Variants in PCNX1 observed in about 807,000 individuals in gnomAD.
PCNX1 encodes pecanex 1.
Under a neutral mutation model 242.2 loss-of-function variants are expected in PCNX1, and 78 were observed. The observed-to-expected ratio is 0.32, with a 90% confidence interval of 0.27 to 0.39. The LOEUF (loss-of-function observed/expected upper bound fraction) is 0.39. Among genes scored for constraint, PCNX1 ranks in the 10% least tolerant of loss-of-function variants. PCNX1 has a pLI of 1.00. For synonymous variants in PCNX1, 1,024 were observed against 1,032.9 expected, an observed-to-expected ratio of 0.99 and a Z score of 0.17; for missense variants, 2,581 against 2,856.5, an observed-to-expected ratio of 0.90 and a Z score of 2.20.
At chr14:70,994,759 G>C (rs2059297935) in intron 7 of PCNX1, among the ~76,000 whole-genome samples, 1 of 151,478 alleles carries the variant, frequency 6.6e-6, no homozygotes, top group African/African-American at 2.4e-5. Flanking sequence ...GTTTAAATTT[G>C]ACTAAATATT....
chr14:70,949,674 C>T (rs1407172553), intron 2 of PCNX1, among the ~76,000 whole-genome samples: 5 of 152,134 alleles, frequency 3.3e-5, no homozygotes, highest in Admixed American at 2.6e-4. Context: ...GGAGGCTTTC[C>T]TTTCCCATCC....
chr14:71,020,140 C>A (rs953510745), intron 12 of PCNX1, among the ~76,000 whole-genome samples: 1 of 152,162 alleles, frequency 6.6e-6, no homozygotes, highest in East Asian at 1.9e-4. Context: ...GCATAGTATT[C>A]CATGTTGTAT....
At position 71,111,328 on chromosome 14, in the gene PCNX1, A is replaced by C. The variant is rs894232856; in HGVS notation, c.*1393A>C. The C allele has an allele frequency of 1.3e-5, 2 of 152,652 alleles. No homozygotes were observed. The highest frequency in any genetic ancestry group is 2.4e-5 in the African/African-American group (1 of 41,470). The allele number at this position is 152,652 out of a possible 1,614,324, so 9.5% of individuals were successfully genotyped here. A position where few individuals can be genotyped will look rare whatever the true frequency, so the allele number is the denominator to read the frequency against. On this transcript the variant is annotated 3_prime_UTR_variant, in exon 36 of 36. Transcript: ENST00000304743. ...TTTTCCCTTTTGGTGTGAAACTCCA[A>C]AGAAAATTGTACATCTCCTCTGAGC...
intron 5 of PCNX1, among the ~76,000 whole-genome samples, chr14:70,975,499 A>G (rs2058664888): frequency 6.6e-6 from 1 of 152,214 alleles, no homozygotes; most frequent in African/African-American, 2.4e-5. Flanking sequence ...GATTACATAA[A>G]CATTTTTAAT....
chr14:71,094,029 G>T (rs2062207127), intron 30 of PCNX1, among the ~76,000 whole-genome samples: 1 of 152,138 alleles, frequency 6.6e-6, no homozygotes, highest in South Asian at 2.1e-4. Flanking sequence ...GGAGTCAAAG[G>T]TTATTCATGG....
At chr14:70,984,450 G>A (rs962149662) in intron 6 of PCNX1, among the ~76,000 whole-genome samples, 4 of 150,872 alleles carry the variant, frequency 2.7e-5, no homozygotes, top group Admixed American at 6.6e-5. Context: ...GCAGTGGCAC[G>A]ATCTTGGCTC....
At chr14:71,063,177 C>T (rs944448928) in intron 26 of PCNX1, among the ~76,000 whole-genome samples, 4 of 152,166 alleles carry the variant, frequency 2.6e-5, no homozygotes, top group Non-Finnish European at 5.9e-5. Context: ...AAAGGGTTGG[C>T]CTACTTATTC....
intron 23 of PCNX1, among the ~76,000 whole-genome samples, chr14:71,051,009 A>T (rs1362290294): frequency 6.6e-6 from 1 of 151,920 alleles, no homozygotes; most frequent in Non-Finnish European, 1.5e-5. Context: ...TCTCCACTGA[A>T]AATACTAAAT....
At chr14:70,997,832 T>C (rs2059396440) in intron 8 of PCNX1, among the ~76,000 whole-genome samples, 1 of 152,228 alleles carries the variant, frequency 6.6e-6, no homozygotes, top group Non-Finnish European at 1.5e-5. Context: ...TTGTGTGGTT[T>C]AATTTTCTAC....
At chr14:71,017,685 A>T (rs1257721780) in intron 11 of PCNX1, among the ~76,000 whole-genome samples, 1 of 152,224 alleles carries the variant, frequency 6.6e-6, no homozygotes, top group Non-Finnish European at 1.5e-5. Flanking sequence ...AAAAATCCAA[A>T]GACAAGACAT....
intron 6 of PCNX1, 81 bp downstream of exon 6, chr14:70,978,729 T>A: frequency 8.2e-7 from 1 of 1,225,906 alleles, no homozygotes; most frequent in Non-Finnish European, 1.1e-6. Flanking sequence ...TACTAAAATA[T>A]GCTTCTGTTA....
intron 5 of PCNX1, among the ~76,000 whole-genome samples, chr14:70,976,518 G>T (rs768539983): frequency 6.6e-6 from 1 of 151,772 alleles, no homozygotes; most frequent in African/African-American, 2.4e-5. Flanking sequence ...GACTACAGGC[G>T]CTCGCCACCA....
At chr14:71,102,734 T>G (rs962781362) in intron 31 of PCNX1, among the ~76,000 whole-genome samples, 1 of 152,162 alleles carries the variant, frequency 6.6e-6, no homozygotes, top group Admixed American at 6.5e-5. Flanking sequence ...CCTTAAAATT[T>G]TTGGTTATTT....
chr14:71,076,467 G>T (rs1419405868), intron 28 of PCNX1, 48 bp downstream of exon 28: 1 of 1,259,238 alleles, frequency 7.9e-7, no homozygotes, highest in Non-Finnish European at 1.2e-6. Context: ...TTTTTCCAAA[G>T]ATGCAAAGAA....
intron 1 of PCNX1, among the ~76,000 whole-genome samples, chr14:70,915,927 G>A (rs189323862): frequency 1.3e-5 from 2 of 152,268 alleles, no homozygotes; most frequent in East Asian, 3.9e-4. Flanking sequence ...GAAGGAAGGA[G>A]GCAAGGATGA....
At chr14:70,974,640 C>T (rs1324468855) in intron 5 of PCNX1, among the ~76,000 whole-genome samples, 1 of 152,170 alleles carries the variant, frequency 6.6e-6, no homozygotes. Flanking sequence ...TTGACTCTAT[C>T]CTTTAGCAAC....
At chr14:70,961,921 A>G (rs1233313764) in intron 2 of PCNX1, among the ~76,000 whole-genome samples, 1 of 152,122 alleles carries the variant, frequency 6.6e-6, no homozygotes, top group Non-Finnish European at 1.5e-5. Flanking sequence ...GATGGCACGT[A>G]TCGTAACATA....
At chr14:71,062,341 G>A (rs1595406715) in intron 26 of PCNX1, among the ~76,000 whole-genome samples, 1 of 151,830 alleles carries the variant, frequency 6.6e-6, no homozygotes, top group Non-Finnish European at 1.5e-5. Context: ...GTAGACCTTG[G>A]CTAGTGTGTG....
At chr14:70,995,530 C>G (rs1379087709) in intron 7 of PCNX1, among the ~76,000 whole-genome samples, 4 of 152,082 alleles carry the variant, frequency 2.6e-5, no homozygotes, top group African/African-American at 9.7e-5. Flanking sequence ...TTAATGTTGA[C>G]TGCATTTGTC....
Sources: allele counts gnomAD v4.1 joint callset (sites outside exome capture counted in the v4.1 genomes callset), GRCh38; gene constraint gnomAD v4.1.1; transcripts MANE v1.5; gene names NCBI Gene and HGNC (gene_info 2026-07-23, HGNC 2026-07-21).